Variants in EEA1 observed in about 807,000 individuals in gnomAD.
The protein encoded by EEA1 is early endosome antigen 1, also known as early endosome antigen 1, 162kD.
A neutral mutation model predicts 209.2 loss-of-function variants in EEA1; 111 were observed. That is an observed-to-expected ratio of 0.53 (90% CI 0.45 to 0.62). The LOEUF (loss-of-function observed/expected upper bound fraction) is 0.62, where lower values mean the gene tolerates loss of function less well. Ranked by LOEUF, EEA1 falls within the 20% of genes least tolerant of loss-of-function variation. EEA1 has a pLI of 0.00. For missense variants in EEA1, 1,343 were observed against 1,530.8 expected, an observed-to-expected ratio of 0.88 and a Z score of 2.05; for synonymous variants, 536 against 540.6, an observed-to-expected ratio of 0.99 and a Z score of 0.12.
chr12:92,884,071 G>A lies in EEA1; in HGVS notation c.117+7558C>T. The stretch of plus-strand genomic sequence containing the variant: ...AAGAGAAGATTCTCAAAGACCAGGT[G>A]CCCACTTAACTATGAAAAAGATATT... On this transcript the variant is annotated intron_variant, in intron 2 of 28. Transcript: ENST00000322349. 4.6e-6 allele frequency: 6 copies of A among 1,303,282 alleles called. No individual in the cohort carries two copies. In the South Asian group the frequency reaches 5.9e-5, roughly 13 times the overall value. 80.7% of individuals were successfully genotyped at this position (1,303,282 alleles called of 1,614,324 possible).
chr12:92,821,685 C>T (rs1366420218), intron 13 of EEA1, among the ~76,000 whole-genome samples: 1 of 151,960 alleles, frequency 6.6e-6, no homozygotes, highest in Non-Finnish European at 1.5e-5. Context: ...TTAAAAGATT[C>T]CATATTATCT....
chr12:92,816,896 G>C (rs367869910), intron 14 of EEA1, among the ~76,000 whole-genome samples: 1 of 149,376 alleles, frequency 6.7e-6, no homozygotes, highest in Non-Finnish European at 1.5e-5. Context: ...CCCATTCTGT[G>C]TTACGGCTTT....
intron 13 of EEA1, among the ~76,000 whole-genome samples, chr12:92,823,214 T>C (rs907268311): frequency 3.9e-5 from 6 of 152,170 alleles, no homozygotes; most frequent in African/African-American, 1.4e-4. Flanking sequence ...AATCTGACTA[T>C]GGCAATTCTT....
intron 11 of EEA1, among the ~76,000 whole-genome samples, chr12:92,829,861 G>A (rs17790376): frequency 0.04 from 6,016 of 149,886 alleles, 164 homozygotes; most frequent in Non-Finnish European, 0.059. Context: ...CTTTGCACCC[G>A]AAGAGTTCAG....
intron 10 of EEA1, among the ~76,000 whole-genome samples, chr12:92,837,068 C>G (rs1876959894): frequency 6.7e-6 from 1 of 150,014 alleles, no homozygotes; most frequent in African/African-American, 2.5e-5. Flanking sequence ...TTGCAGTGAG[C>G]TGAGATCGCA....
chr12:92,906,549 A>G (rs1045875513), intron 1 of EEA1, among the ~76,000 whole-genome samples: 2 of 152,250 alleles, frequency 1.3e-5, no homozygotes, highest in African/African-American at 4.8e-5. Flanking sequence ...GCAGTGGCTC[A>G]CGCCTGTAAT....
rs1394909229 is a variant in EEA1, at chr12:92,832,974, C to T, written c.916-124G>A. ...TTTTAGTCAATATTAAAATATAAAA[C>T]AGTGACAATGTTCTAGTCAAGAATT... On this transcript the variant is annotated intron_variant, in intron 10 of 28. Transcript: ENST00000322349. 10 of 678,324 alleles carry T rather than the reference C, an allele frequency of 1.5e-5. 1 individual carries two copies. In the South Asian group the frequency reaches 2.3e-4, roughly 15 times the overall value. 42.0% of individuals were successfully genotyped at this position (678,324 alleles called of 1,614,324 possible). A position where few individuals can be genotyped will look rare whatever the true frequency, so the allele number is the denominator to read the frequency against.
At chr12:92,882,446 G>A (rs575228987) in intron 2 of EEA1, among the ~76,000 whole-genome samples, 1 of 151,852 alleles carries the variant, frequency 6.6e-6, no homozygotes, top group South Asian at 2.1e-4. Flanking sequence ...GATTCAGAGG[G>A]TGTATGTGCA....
At chr12:92,902,991 G>A (rs922710174) in intron 1 of EEA1, among the ~76,000 whole-genome samples, 4 of 149,090 alleles carry the variant, frequency 2.7e-5, no homozygotes, top group Non-Finnish European at 4.4e-5. Flanking sequence ...CTGGAGTGCA[G>A]CGGCGCGATC....
At chr12:92,914,393 C>T (rs1379431245) in intron 1 of EEA1, among the ~76,000 whole-genome samples, 6 of 152,094 alleles carry the variant, frequency 3.9e-5, no homozygotes, top group Admixed American at 6.5e-5. Context: ...TGTAGCATAA[C>T]GTGAAGTCAG....
intron 1 of EEA1, among the ~76,000 whole-genome samples, chr12:92,894,487 GGGGAAATTAAAAGT>G (rs1160502305): frequency 6.8e-4 from 103 of 152,256 alleles, no homozygotes; most frequent in African/African-American, 2.4e-3. Context: ...AAAAGTTCCT[GGGGAAATTAAAAGT>G]GCTACTCCAG....
chr12:92,782,525 G>A (rs1200682296), intron 22 of EEA1, among the ~76,000 whole-genome samples: 2 of 152,154 alleles, frequency 1.3e-5, no homozygotes, highest in Admixed American at 6.6e-5. Flanking sequence ...AAGGCAGTGT[G>A]AAAGAAAACA....
At chr12:92,834,973 G>A (rs1592727670) in intron 10 of EEA1, among the ~76,000 whole-genome samples, 1 of 151,464 alleles carries the variant, frequency 6.6e-6, no homozygotes, top group African/African-American at 2.4e-5. Context: ...TCCGCCTCTC[G>A]GGGTTCACGC....
At chr12:92,861,719 G>A (rs1384762542) in intron 3 of EEA1, among the ~76,000 whole-genome samples, 3 of 151,934 alleles carry the variant, frequency 2.0e-5, no homozygotes, top group African/African-American at 7.2e-5. Flanking sequence ...AAAAGATACA[G>A]AACAACGTAG....
chr12:92,852,346 A>G (rs1333165725), intron 7 of EEA1, 50 bp from the exon 8 acceptor site: 1 of 1,307,038 alleles, frequency 7.7e-7, no homozygotes, highest in East Asian at 2.6e-5. Flanking sequence ...GGACAGTTTT[A>G]TAAGTTTCCA....
In EEA1 at chr12:92,928,893, C is replaced by A. The variant is rs1224423285; in HGVS notation, c.24+150G>T. ...CCGGCCCCACCCGCCCTCCCCGCCC[C>A]CGGGCCGGGCGACCGAGGCCTAAGC... On this transcript the variant is annotated intron_variant, in intron 1 of 28. Transcript: ENST00000322349. 6 of 628,574 alleles carry A rather than the reference C, an allele frequency of 9.5e-6. No homozygotes were observed. The East Asian group carries it at 2.5e-4, about 26-fold the overall frequency. The allele number at this position is 628,574 out of a possible 1,614,324, so 38.9% of individuals were successfully genotyped here.
intron 22 of EEA1, among the ~76,000 whole-genome samples, chr12:92,785,704 C>CTGTTAT (rs1874101623): frequency 6.6e-6 from 1 of 152,126 alleles, no homozygotes; most frequent in African/African-American, 2.4e-5. Flanking sequence ...AACCATGGTT[C>CTGTTAT]TGTTATTGTA....
intron 21 of EEA1, 38 bp downstream of exon 21, chr12:92,798,853 GT>G (rs765525453): frequency 2.1e-6 from 3 of 1,459,422 alleles, no homozygotes; most frequent in Non-Finnish European, 1.8e-6. Context: ...TAATTGCCAA[GT>G]TTTTCTTCCT....
intron 1 of EEA1, among the ~76,000 whole-genome samples, chr12:92,913,998 T>A (rs538619322): frequency 6.6e-6 from 1 of 152,358 alleles, no homozygotes; most frequent in Admixed American, 6.5e-5. Flanking sequence ...TAATTTGAGT[T>A]ATCTTTCGTA....
Sources: allele counts gnomAD v4.1 joint callset (sites outside exome capture counted in the v4.1 genomes callset), GRCh38; gene constraint gnomAD v4.1.1; transcripts MANE v1.5; gene names NCBI Gene and HGNC (gene_info 2026-07-23, HGNC 2026-07-21).